Variants in LRP1B observed in about 807,000 individuals in gnomAD.
The protein encoded by LRP1B is LDL receptor related protein 1B.
In LRP1B, 217 loss-of-function variants were observed where a neutral mutation model predicts 556.6. The ratio of observed to expected loss-of-function variants is 0.39; its 90% confidence interval spans 0.35 to 0.44. The LOEUF is 0.44. Among genes scored for constraint, LRP1B ranks in the 20% least tolerant of loss-of-function variants. LRP1B has a pLI of 1.00. For missense variants in LRP1B, 5,053 were observed against 5,620.8 expected (o/e 0.90, Z 3.23); for synonymous variants, 2,047 against 1,865.8 (o/e 1.10, Z -2.50).
intron 2 of LRP1B, among the ~76,000 whole-genome samples, chr2:141,641,628 C>T (rs1311797967): frequency 6.6e-6 from 1 of 152,000 alleles, no homozygotes; most frequent in Non-Finnish European, 1.5e-5. Flanking sequence ...GTGAAGCTGC[C>T]CCATAAAATG....
intron 2 of LRP1B, among the ~76,000 whole-genome samples, chr2:141,581,301 G>A (rs371418260): frequency 1.3e-5 from 2 of 152,120 alleles, no homozygotes; most frequent in African/African-American, 2.4e-5. Context: ...GTTTAAAAAC[G>A]ATTTTGCCCT....
intron 1 of LRP1B, among the ~76,000 whole-genome samples, chr2:141,847,283 A>G (rs1697686642): frequency 6.6e-6 from 1 of 151,580 alleles, no homozygotes; most frequent in African/African-American, 2.4e-5. Context: ...GCCATCATAA[A>G]TGAACTTAAA....
intron 2 of LRP1B, among the ~76,000 whole-genome samples, chr2:141,780,706 C>T (rs1695225507): frequency 6.6e-6 from 1 of 152,124 alleles, no homozygotes; most frequent in African/African-American, 2.4e-5. Context: ...TTAGATGAAC[C>T]TTATAATGCA....
intron 12 of LRP1B, among the ~76,000 whole-genome samples, chr2:141,019,001 T>C (rs1421182300): frequency 1.3e-5 from 2 of 152,046 alleles, no homozygotes; most frequent in Non-Finnish European, 2.9e-5. Flanking sequence ...GAAAATCTAT[T>C]TTTTGATGTC....
intron 2 of LRP1B, among the ~76,000 whole-genome samples, chr2:141,633,951 T>C (rs919886383): frequency 6.6e-6 from 1 of 152,026 alleles, no homozygotes; most frequent in Non-Finnish European, 1.5e-5. Context: ...TTTAAGCCCT[T>C]TGATCTTGAT....
intron 25 of LRP1B, among the ~76,000 whole-genome samples, chr2:140,880,859 A>G (rs1451934334): frequency 6.6e-6 from 1 of 152,160 alleles, no homozygotes; most frequent in African/African-American, 2.4e-5. Flanking sequence ...CATATAAACA[A>G]ATTCCATTTC....
rs766991173 is a variant in LRP1B at position 140,323,978 on chromosome 2, A to G, written c.12429T>C (p.Phe4143=). The G allele has an allele frequency of 1.9e-5, 31 of 1,608,386 alleles. No homozygotes were observed. The South Asian group carries it at 3.4e-4, about 18-fold the overall frequency. Residue 4143 remains phenylalanine, a synonymous_variant, in exon 81 of 91, where the codon TTT becomes TTC. Transcript: ENST00000389484. ...CTAAGTACTCTACTGAACCATGGCCAAATTTTTGAACTCGAAATACACCAT... is the reference window on the plus strand; with the variant it reads ...CTAAGTACTCTACTGAACCATGGCCGAATTTTTGAACTCGAAATACACCAT... ...PKNGVFRVQK[F]GHGSVEYLAL...
chr2:141,066,419 G>A lies in LRP1B; in HGVS notation c.1014-4146C>T, dbSNP rs185777112. On this transcript the variant is annotated intron_variant, in intron 7 of 90. Transcript: ENST00000389484. ...ATAAATCATAAGTCACAAAGGGAGC[G>A]CTCATGGACAGTGACAGAGCACTGT... Among the ~76,000 whole-genome samples the A allele has an allele frequency of 2.5e-4, 38 of 152,068 alleles. No homozygotes were observed. In the East Asian group the frequency reaches 4.5e-3, roughly 18 times the overall value.
chr2:142,111,083 C>G (rs867310502), intron 1 of LRP1B, among the ~76,000 whole-genome samples: 29 of 152,258 alleles, frequency 1.9e-4, no homozygotes, highest in Middle Eastern at 6.8e-3. Context: ...CTATTCTAAA[C>G]TTCACTGATT....
chr2:141,314,708 G>A (rs964690493), intron 3 of LRP1B, among the ~76,000 whole-genome samples: 2 of 144,500 alleles, frequency 1.4e-5, no homozygotes, highest in Non-Finnish European at 3.1e-5. Context: ...GGAGAATGGC[G>A]TGAACCCGGG....
chr2:141,763,298 T>G (rs987514394), intron 2 of LRP1B, among the ~76,000 whole-genome samples: 1 of 152,180 alleles, frequency 6.6e-6, no homozygotes, highest in Admixed American at 6.5e-5. Flanking sequence ...ATATTTAACT[T>G]AAAAATTTGA....
intron 3 of LRP1B, among the ~76,000 whole-genome samples, chr2:141,402,865 C>G (rs1008880400): frequency 6.6e-6 from 1 of 151,984 alleles, no homozygotes; most frequent in Non-Finnish European, 1.5e-5. Flanking sequence ...TATCAAACTA[C>G]TGAAAAGATG....
At chr2:141,411,298 A>C (rs1468132756) in intron 3 of LRP1B, among the ~76,000 whole-genome samples, 1 of 152,084 alleles carries the variant, frequency 6.6e-6, no homozygotes, top group Non-Finnish European at 1.5e-5. Context: ...AGGAAACAAA[A>C]CTTCTGTTTA....
intron 35 of LRP1B, among the ~76,000 whole-genome samples, chr2:140,731,194 T>G (rs748881870): frequency 1.1e-4 from 17 of 152,206 alleles, no homozygotes; most frequent in Non-Finnish European, 2.1e-4. Flanking sequence ...ATTCCCCTAA[T>G]AACCTGTGCT....
In LRP1B at chr2:140,628,516, G is replaced by A. The variant is rs1278182967; in HGVS notation, c.6800-26877C>T. ...CCTGCCACTGCACTCCAGCCTGGGCGAAAGAATGAGACTCTGTCTCGAAAA... is the reference window on the plus strand; with the variant it reads ...CCTGCCACTGCACTCCAGCCTGGGCAAAAGAATGAGACTCTGTCTCGAAAA... On this transcript the variant is annotated intron_variant, in intron 41 of 90. Coordinates refer to ENST00000389484, the MANE Select transcript of LRP1B (RefSeq NM_018557.3). Among the ~76,000 whole-genome samples the A allele has an allele frequency of 1.0e-4, 14 of 134,784 alleles. 1 individual carries two copies. Among genetic ancestry groups the A allele is most frequent in the East Asian group, 2.2e-4 (1 of 4,504 alleles). The allele number at this position is 134,784 out of a possible 152,430, so 88.4% of individuals were successfully genotyped here.
intron 2 of LRP1B, among the ~76,000 whole-genome samples, chr2:141,592,526 T>G (rs2105296757): frequency 6.6e-6 from 1 of 152,288 alleles, no homozygotes; most frequent in East Asian, 1.9e-4. Context: ...GGTGATTAGG[T>G]TTCAATATAT....
rs1698405509 is a variant in LRP1B at position 141,032,662 on chromosome 2, G to C, written c.1790-12560C>G. Among the ~76,000 whole-genome samples, 3 of 151,400 alleles carry C rather than the reference G, an allele frequency of 2.0e-5. No homozygotes were observed. The East Asian group carries it at 5.8e-4, about 30-fold the overall frequency. On this transcript the variant is annotated intron_variant, in intron 11 of 90. Coordinates refer to ENST00000389484, the MANE Select transcript of LRP1B (RefSeq NM_018557.3). ...TCAATAAGTCCTTTTTAATTTTTCTGATATTGTCTTTATTTCATAATCATT... is the reference window on the plus strand; with the variant it reads ...TCAATAAGTCCTTTTTAATTTTTCTCATATTGTCTTTATTTCATAATCATT...
intron 2 of LRP1B, among the ~76,000 whole-genome samples, chr2:141,633,880 G>A (rs1019733176): frequency 1.8e-4 from 27 of 152,124 alleles, no homozygotes; most frequent in Admixed American, 1.7e-3. Context: ...TCTTGGATTA[G>A]CATAGTACAA....
At chr2:141,230,450 A>G (rs1291420004) in intron 5 of LRP1B, among the ~76,000 whole-genome samples, 1 of 152,120 alleles carries the variant, frequency 6.6e-6, no homozygotes, top group Non-Finnish European at 1.5e-5. Flanking sequence ...TCCCAACACA[A>G]CAGCCAGAGT....
Sources: allele counts gnomAD v4.1 joint callset (sites outside exome capture counted in the v4.1 genomes callset), GRCh38; gene constraint gnomAD v4.1.1; transcripts MANE v1.5; gene names NCBI Gene and HGNC (gene_info 2026-07-23, HGNC 2026-07-21).